MOSMO: variants seen among roughly 807,000 people sequenced by gnomAD.
The protein encoded by MOSMO is modulator of smoothened, also known as modulator of smoothened protein.
Under a neutral mutation model 18.4 loss-of-function variants are expected in MOSMO, and 5 were observed. The ratio of observed to expected loss-of-function variants is 0.27; its 90% CI spans 0.14 to 0.57. MOSMO has a LOEUF of 0.57. MOSMO is among the 20% of genes least tolerant of loss of function. The pLI is 0.92. For synonymous variants in MOSMO, 82 were observed against 82.3 expected, an observed-to-expected ratio of 1.00 and a Z score of 0.02; for missense variants, 138 against 211.8, an observed-to-expected ratio of 0.65 and a Z score of 2.16.
chr16:22,024,512 T>G (rs59844634), intron 1 of MOSMO, among the ~76,000 whole-genome samples: 9,189 of 151,828 alleles, frequency 0.061, 884 homozygotes, highest in African/African-American at 0.21. Context: ...CTATATAGGC[T>G]TATGCCACCA....
intron 1 of MOSMO, among the ~76,000 whole-genome samples, chr16:22,066,624 G>T (rs36030278): frequency 6.6e-6 from 1 of 152,204 alleles, no homozygotes; most frequent in South Asian, 2.1e-4. Flanking sequence ...GAGTCTTATT[G>T]GTTCAAAGAA....
At position 22,063,339 on chromosome 16, in the gene MOSMO, A is replaced by G. The variant is rs141970332; in HGVS notation, c.107-12148A>G. ...TAGAGAAATGATTTAAAGTTGTTTA[A>G]TACCGGAATATCAACTAGTTGAAAA... On this transcript the variant is annotated intron_variant, in intron 1 of 2. Transcript: ENST00000542527. 3.1e-3 allele frequency among the ~76,000 whole-genome samples: 476 copies of G among 152,270 alleles called. 3 individuals carry two copies. The highest frequency in any genetic ancestry group is 0.021 in the South Asian group (103 of 4,814).
At chr16:22,025,560 G>A (rs1412369229) in intron 1 of MOSMO, among the ~76,000 whole-genome samples, 1 of 152,142 alleles carries the variant, frequency 6.6e-6, no homozygotes, top group Non-Finnish European at 1.5e-5. Context: ...ATTGAAATCA[G>A]TGAGCCTAAC....
downstream of MOSMO, among the ~76,000 whole-genome samples, chr16:22,086,392 T>C (rs1598031310): frequency 6.6e-6 from 1 of 152,274 alleles, no homozygotes; most frequent in East Asian, 1.9e-4. Flanking sequence ...CCATTCTAGA[T>C]TCACTACAAC....
intron 1 of MOSMO, among the ~76,000 whole-genome samples, chr16:22,052,816 G>A (rs1598014544): frequency 6.6e-6 from 1 of 151,540 alleles, no homozygotes; most frequent in African/African-American, 2.4e-5. Context: ...TGTTTAGGGG[G>A]AAAAAAAATT....
At chr16:22,020,123 G>A (rs1309385977) in intron 1 of MOSMO, among the ~76,000 whole-genome samples, 1 of 150,004 alleles carries the variant, frequency 6.7e-6, no homozygotes, top group Non-Finnish European at 1.5e-5. Flanking sequence ...TGAGGCAGGA[G>A]AATCGCTTGA....
chr16:22,051,426 TACAA>T (rs1227922007), intron 1 of MOSMO, among the ~76,000 whole-genome samples: 1 of 151,362 alleles, frequency 6.6e-6, no homozygotes, highest in Admixed American at 6.6e-5. Context: ...AATTTCTACA[TACAA>T]AAAAAATCTA....
chr16:22,008,504 C>T (rs1379612103), intron 1 of MOSMO, 97 bp downstream of exon 1: 3 of 836,634 alleles, frequency 3.6e-6, no homozygotes, highest in African/African-American at 1.8e-5. Flanking sequence ...TGGAGGGTCC[C>T]GGCCGGAGGC....
intron 1 of MOSMO, among the ~76,000 whole-genome samples, chr16:22,031,442 AG>A (rs1899991752): frequency 6.6e-6 from 1 of 152,230 alleles, no homozygotes; most frequent in African/African-American, 2.4e-5. Flanking sequence ...GCATATTCAC[AG>A]TTATACAATC....
intron 2 of MOSMO, among the ~76,000 whole-genome samples, chr16:22,080,190 A>G (rs117345770): frequency 6.6e-6 from 1 of 152,312 alleles, no homozygotes; most frequent in East Asian, 1.9e-4. Flanking sequence ...AATTGTCAGA[A>G]TAGTAACTAT....
At chr16:22,092,028 C>T (rs762173906), downstream of MOSMO, among the ~76,000 whole-genome samples, 3 of 152,138 alleles carry the variant, frequency 2.0e-5, no homozygotes, top group South Asian at 2.1e-4. Flanking sequence ...CATGGGCATC[C>T]GGGCTTAGGA....
At chr16:22,033,353 A>G (rs2141996739) in intron 1 of MOSMO, among the ~76,000 whole-genome samples, 1 of 152,236 alleles carries the variant, frequency 6.6e-6, no homozygotes, top group Non-Finnish European at 1.5e-5. Flanking sequence ...AGTTTCAGCA[A>G]CATTTTATAG....
chr16:22,062,261 T>C (rs1900659298), intron 1 of MOSMO, among the ~76,000 whole-genome samples: 1 of 128,052 alleles, frequency 7.8e-6, no homozygotes, highest in Non-Finnish European at 1.6e-5. Flanking sequence ...ATAAAAAATA[T>C]ATAAAAAAGA....
At chr16:22,039,560 C>T (rs997774972) in intron 1 of MOSMO, among the ~76,000 whole-genome samples, 3 of 152,074 alleles carry the variant, frequency 2.0e-5, no homozygotes, top group African/African-American at 7.2e-5. Context: ...GCAGGCTGGG[C>T]ATGGTGGCTC....
chr16:22,057,196 T>C (rs949240409), intron 1 of MOSMO, among the ~76,000 whole-genome samples: 2 of 152,172 alleles, frequency 1.3e-5, no homozygotes, highest in Non-Finnish European at 2.9e-5. Context: ...GGGTACTTTA[T>C]AAAGAGCAGA....
chr16:22,062,088 T>A (rs1900655321), intron 1 of MOSMO, among the ~76,000 whole-genome samples: 1 of 152,136 alleles, frequency 6.6e-6, no homozygotes, highest in Non-Finnish European at 1.5e-5. Context: ...TAAACTTGCT[T>A]TCCTCATATT....
intron 1 of MOSMO, among the ~76,000 whole-genome samples, chr16:22,072,691 C>T (rs972652842): frequency 1.8e-4 from 27 of 151,834 alleles, no homozygotes; most frequent in Admixed American, 5.3e-4. Context: ...GGGCGCCTGT[C>T]GTCCCAGCAG....
chr16:22,034,788 C>T (rs1598005770), intron 1 of MOSMO, among the ~76,000 whole-genome samples: 5 of 116,278 alleles, frequency 4.3e-5, no homozygotes, highest in African/African-American at 1.6e-4. Context: ...GACAGGGTCT[C>T]ACTCTGTTGC....
At chr16:22,034,809 G>A (rs1303268166) in intron 1 of MOSMO, among the ~76,000 whole-genome samples, 1 of 132,134 alleles carries the variant, frequency 7.6e-6, no homozygotes, top group Non-Finnish European at 1.5e-5. Context: ...CCAGGGCGGA[G>A]TACAGTGGTT....
Sources: allele counts gnomAD v4.1 joint callset (sites outside exome capture counted in the v4.1 genomes callset), GRCh38; gene constraint gnomAD v4.1.1; transcripts MANE v1.5; gene names NCBI Gene and HGNC (gene_info 2026-07-23, HGNC 2026-07-21).